The following ZNF512 variants were observed in gnomAD, a reference collection of about 807,000 sequenced individuals.
ZNF512 encodes the protein zinc finger protein 512.
ZNF512 carries 25 observed loss-of-function variants against 77.5 expected under a neutral mutation model. That is an observed-to-expected ratio of 0.32 (90% CI 0.23 to 0.45). The LOEUF is 0.45. Among genes scored for constraint, ZNF512 ranks in the 20% least tolerant of loss-of-function variants. The pLI is 1.00. For synonymous variants in ZNF512, 246 were observed against 239.9 expected, an observed-to-expected ratio of 1.03 and a Z score of -0.24; for missense variants, 483 against 692.6, an observed-to-expected ratio of 0.70 and a Z score of 3.40.
At chr2:27,617,800 A>G (rs1188172198) in intron 13 of ZNF512, among the ~76,000 whole-genome samples, 1 of 151,778 alleles carries the variant, frequency 6.6e-6, no homozygotes, top group African/African-American at 2.4e-5. Flanking sequence ...TAATCCCAGC[A>G]CTTTGGGAGG....
Position 27,599,569 on chromosome 2 carries a change from G to A in ZNF512, c.278-14G>A, listed in dbSNP as rs768987268. 13 of 1,609,272 alleles carry A rather than the reference G, an allele frequency of 8.1e-6. No homozygotes were observed. In the South Asian group the frequency reaches 9.9e-5, roughly 12 times the overall value. On this transcript the variant is annotated splice_polypyrimidine_tract_variant and intron_variant, in intron 3 of 13. Coordinates refer to ENST00000355467, the MANE Select transcript of ZNF512 (RefSeq NM_032434.4). ...TGTGCTGAGTTTTTGTTTTGTTTTT[G>A]TATGGTACTTCAGGGTCAGGTGGAG...
intron 1 of ZNF512, chr2:27,583,457 G>A: frequency 6.9e-7 from 1 of 1,451,528 alleles, no homozygotes; most frequent in Non-Finnish European, 9.0e-7. Context: ...AATGGGGGAA[G>A]ACGAAGGCTC....
chr2:27,611,446 A>G (rs1672659060), intron 10 of ZNF512, among the ~76,000 whole-genome samples: 1 of 152,142 alleles, frequency 6.6e-6, no homozygotes, highest in African/African-American at 2.4e-5. Context: ...CAAGAATACC[A>G]CTGAAGCATG....
In ZNF512 at chr2:27,589,409, ATTAC is replaced by A. The variant is rs1334245485; in HGVS notation, c.89+5697_89+5700del. 4.6e-5 allele frequency among the ~76,000 whole-genome samples: 7 copies of A among 152,286 alleles called. No homozygotes were observed. The South Asian group carries it at 8.3e-4, about 18-fold the overall frequency. Reference sequence around the variant, plus strand: ...AGCATAAAGTTATTCAAAGTATATTATTACTTAATGTCTACATAATCTGCGGTAA... The same window carrying A: ...AGCATAAAGTTATTCAAAGTATATTATTAATGTCTACATAATCTGCGGTAA... On this transcript the variant is annotated intron_variant, in intron 2 of 13. Transcript: ENST00000355467.
chr2:27,598,034 T>A (rs369030074), intron 2 of ZNF512, 33 bp from the exon 3 acceptor site: 275 of 1,481,756 alleles, frequency 1.9e-4, no homozygotes, highest in Non-Finnish European at 2.3e-4. Flanking sequence ...CTCCAGACCT[T>A]CCTTTGTGGT....
chr2:27,602,542 A>G lies in ZNF512; in HGVS notation c.749A>G (p.Lys250Arg). 1 of 1,613,868 alleles carries G rather than the reference A, an allele frequency of 6.2e-7. No homozygotes were observed. The highest frequency in any genetic ancestry group is 8.5e-7 in the Non-Finnish European group (1 of 1,179,910). Residue 250 changes from lysine (K) to arginine (R), a missense_variant, in exon 8 of 14, where the codon AAG becomes AGG. By Grantham distance (26) the Lys-to-Arg change is conservative (BLOSUM62 2). Around this residue, in one of 2 missense-constraint regions of ZNF512, gnomAD observed 324 missense variants for 525.0 expected, o/e 0.62. Transcript: ENST00000355467. ...CGAACAGTTCTAAAGAGACTGGGAA[A>G]GCTCAGGTGCATGCGTGAGGTAAGG... ...RLRTVLKRLG[K>R]LRCMRESCSS... is the part of the protein sequence containing the mutation.
At chr2:27,611,846 C>T (rs1236144338) in intron 10 of ZNF512, among the ~76,000 whole-genome samples, 3 of 151,950 alleles carry the variant, frequency 2.0e-5, no homozygotes. Flanking sequence ...TACAGGTGTG[C>T]ACCACCACGC....
At chr2:27,605,300 A>G (rs1452021805) in intron 9 of ZNF512, among the ~76,000 whole-genome samples, 2 of 151,842 alleles carry the variant, frequency 1.3e-5, no homozygotes, top group Admixed American at 6.6e-5. Context: ...AGAAAATACA[A>G]AAATTAGCTG....
chr2:27,593,089 C>T (rs935852715), intron 2 of ZNF512, among the ~76,000 whole-genome samples: 12 of 151,270 alleles, frequency 7.9e-5, no homozygotes, highest in East Asian at 1.9e-4. Flanking sequence ...GGTTGGGTAC[C>T]GTGGCTCATG....
chr2:27,588,437 T>G (rs1671434008), intron 2 of ZNF512, among the ~76,000 whole-genome samples: 1 of 152,114 alleles, frequency 6.6e-6, no homozygotes, highest in African/African-American at 2.4e-5. Flanking sequence ...TGTGACTCAT[T>G]TAGAGTTAAT....
chr2:27,595,347 C>T (rs1027419571), intron 2 of ZNF512, among the ~76,000 whole-genome samples: 1 of 146,574 alleles, frequency 6.8e-6, no homozygotes, highest in African/African-American at 2.6e-5. Context: ...GTCGCCCAGG[C>T]TGGAGTGCAG....
chr2:27,619,812 C>A (rs1035804519), intron 13 of ZNF512, among the ~76,000 whole-genome samples: 1 of 152,178 alleles, frequency 6.6e-6, no homozygotes, highest in Non-Finnish European at 1.5e-5. Context: ...CATAAAATTT[C>A]AGCTGTAAGT....
intron 2 of ZNF512, among the ~76,000 whole-genome samples, chr2:27,591,295 A>G (rs1007067926): frequency 1.3e-5 from 2 of 152,256 alleles, no homozygotes; most frequent in African/African-American, 2.4e-5. Flanking sequence ...ACAGGCATAC[A>G]ATGTGAAATC....
At chr2:27,586,246 T>TGGA (rs760860251) in intron 2 of ZNF512, among the ~76,000 whole-genome samples, 22 of 151,994 alleles carry the variant, frequency 1.4e-4, no homozygotes, top group Non-Finnish European at 2.8e-4. Flanking sequence ...TTGTTGTTGT[T>TGGA]GGAGATGGAG....
chr2:27,622,296 T>C lies in ZNF512; in HGVS notation c.*835T>C, dbSNP rs529523266. 51 of 152,836 alleles carry C rather than the reference T, an allele frequency of 3.3e-4. No homozygotes were observed. Among genetic ancestry groups the C allele is most frequent in the South Asian group, 4.1e-4 (2 of 4,820 alleles). The allele number at this position is 152,836 out of a possible 1,614,324, so 9.5% of individuals were successfully genotyped here. On this transcript the variant is annotated 3_prime_UTR_variant, in exon 14 of 14. Transcript: ENST00000355467. Reference sequence around the variant, plus strand: ...CTTTGGTTTTAAGAATTGAGAAATATCACATTGCCCCTGATGTTTTGACAG... The same window carrying C: ...CTTTGGTTTTAAGAATTGAGAAATACCACATTGCCCCTGATGTTTTGACAG...
intron 10 of ZNF512, among the ~76,000 whole-genome samples, chr2:27,610,582 T>TATATACA (rs1558474959): frequency 0.011 from 601 of 52,672 alleles, 23 homozygotes; most frequent in Non-Finnish European, 0.015. Flanking sequence ...TTTTTTTTTT[T>TATATACA]TTTTTTTTTT....
At chr2:27,591,717 A>AT (rs1671592268) in intron 2 of ZNF512, among the ~76,000 whole-genome samples, 1 of 152,094 alleles carries the variant, frequency 6.6e-6, no homozygotes, top group South Asian at 2.1e-4. Context: ...CCTTAAAATT[A>AT]TTTTTTGTAG....
intron 2 of ZNF512, among the ~76,000 whole-genome samples, chr2:27,591,390 A>T (rs574189299): frequency 6.6e-6 from 1 of 152,290 alleles, no homozygotes; most frequent in Non-Finnish European, 1.5e-5. Flanking sequence ...TTAGTTATTT[A>T]AAAATGTACA....
chr2:27,591,970 C>T (rs1671604740), intron 2 of ZNF512, among the ~76,000 whole-genome samples: 1 of 152,114 alleles, frequency 6.6e-6, no homozygotes, highest in South Asian at 2.1e-4. Flanking sequence ...AAATCTTTGG[C>T]TTTGAATAGT....
Sources: allele counts gnomAD v4.1 joint callset (sites outside exome capture counted in the v4.1 genomes callset), GRCh38; gene constraint gnomAD v4.1.1; regional missense constraint gnomAD v4.1.1; transcripts MANE v1.5; gene names NCBI Gene and HGNC (gene_info 2026-07-23, HGNC 2026-07-21).